Variants in TRIM71 observed in about 807,000 individuals in gnomAD.
TRIM71 encodes E3 ubiquitin-protein ligase TRIM71.
TRIM71 carries 9 observed loss-of-function variants against 61.2 expected under a neutral mutation model. The ratio of observed to expected loss-of-function variants is 0.15; its 90% CI spans 0.09 to 0.26. The LOEUF is 0.26. Among genes scored for constraint, TRIM71 ranks in the 10% least tolerant of loss-of-function variants. The pLI is 1.00. For synonymous variants in TRIM71, 645 were observed against 553.2 expected, an observed-to-expected ratio of 1.17 and a Z score of -2.33; for missense variants, 998 against 1,238.7, an observed-to-expected ratio of 0.81 and a Z score of 2.92.
At chr3:32,846,858 A>G (rs747886324) in intron 1 of TRIM71, among the ~76,000 whole-genome samples, 51 of 152,186 alleles carry the variant, frequency 3.4e-4, no homozygotes, top group Non-Finnish European at 6.3e-4. Context: ...GTTGCAAATG[A>G]CAGGATTTCC....
chr3:32,823,666 A>G (rs1045909872), intron 1 of TRIM71, among the ~76,000 whole-genome samples: 1 of 151,170 alleles, frequency 6.6e-6, no homozygotes, highest in East Asian at 2.1e-4. Flanking sequence ...TGTACTTGAA[A>G]TGGGGAAACC....
intron 1 of TRIM71, among the ~76,000 whole-genome samples, chr3:32,845,917 C>T (rs1474645968): frequency 6.6e-6 from 1 of 151,450 alleles, no homozygotes; most frequent in Non-Finnish European, 1.5e-5. Flanking sequence ...GACAGGGTTT[C>T]GCCATGTTGG....
At chr3:32,828,831 C>A (rs751878145) in intron 1 of TRIM71, among the ~76,000 whole-genome samples, 8 of 151,830 alleles carry the variant, frequency 5.3e-5, no homozygotes, top group Non-Finnish European at 1.0e-4. Context: ...TGTTTGAAAA[C>A]CACTAATTTT....
At chr3:32,848,133 G>C (rs551896385) in intron 1 of TRIM71, among the ~76,000 whole-genome samples, 1 of 152,176 alleles carries the variant, frequency 6.6e-6, no homozygotes, top group Non-Finnish European at 1.5e-5. Context: ...GCATGGCAAA[G>C]AGCCACTTAA....
chr3:32,875,063 C>G (rs1334872418), intron 2 of TRIM71, among the ~76,000 whole-genome samples: 1 of 152,182 alleles, frequency 6.6e-6, no homozygotes, highest in Non-Finnish European at 1.5e-5. Context: ...TCAGGTGATC[C>G]ACCTGCCTCG....
chr3:32,855,385 C>T (rs1241844309), intron 1 of TRIM71, among the ~76,000 whole-genome samples: 4 of 152,024 alleles, frequency 2.6e-5, no homozygotes, highest in Admixed American at 6.6e-5. Flanking sequence ...GAGGGCATGG[C>T]TTTCAGGCAG....
At chr3:32,823,764 C>G (rs1226136308) in intron 1 of TRIM71, among the ~76,000 whole-genome samples, 1 of 148,252 alleles carries the variant, frequency 6.7e-6, no homozygotes, top group Admixed American at 6.7e-5. Context: ...GCGAGACTAT[C>G]TAAAAAGATA....
At chr3:32,852,509 T>G (rs1453209216) in intron 1 of TRIM71, among the ~76,000 whole-genome samples, 1 of 152,214 alleles carries the variant, frequency 6.6e-6, no homozygotes, top group Admixed American at 6.5e-5. Flanking sequence ...AGAGGTCTTC[T>G]TGTGCTAGGC....
At position 32,887,481 on chromosome 3, in the gene TRIM71, C is replaced by CTTTTTT. The variant is rs10615630; in HGVS notation, c.1155+1429_1155+1434dup. On this transcript the variant is annotated intron_variant, in intron 3 of 3. Coordinates refer to ENST00000383763, the MANE Select transcript of TRIM71 (RefSeq NM_001039111.3). ...CCCTCTCTCTTTGACTAATTACTGA[C>CTTTTTT]TTTTTTTTTTTTTTTTTTTTTCTGT... Among the ~76,000 whole-genome samples, 20 of 110,006 alleles carry CTTTTTT rather than the reference C, an allele frequency of 1.8e-4. 2 individuals carry two copies. The highest frequency in any genetic ancestry group is 5.6e-4 in the East Asian group (2 of 3,596). 72.2% of individuals were successfully genotyped at this position (110,006 alleles called of 152,430 possible).
intron 1 of TRIM71, among the ~76,000 whole-genome samples, chr3:32,834,947 A>G (rs1447296541): frequency 1.3e-5 from 2 of 152,244 alleles, no homozygotes; most frequent in South Asian, 2.1e-4. Context: ...ATGACAGTTC[A>G]TTCTATCAGT....
At chr3:32,844,199 T>G (rs555884950) in intron 1 of TRIM71, among the ~76,000 whole-genome samples, 60 of 152,244 alleles carry the variant, frequency 3.9e-4, no homozygotes, top group South Asian at 1.2e-3. Flanking sequence ...GAGATTCTGA[T>G]TCTCTAAAAC....
At chr3:32,839,335 A>AT (rs1043672822) in intron 1 of TRIM71, among the ~76,000 whole-genome samples, 41 of 151,736 alleles carry the variant, frequency 2.7e-4, no homozygotes, top group Middle Eastern at 3.4e-3. Context: ...GGTTCAAGTG[A>AT]TTCTCTTGCC....
At chr3:32,883,595 C>T (rs1204380371) in intron 2 of TRIM71, among the ~76,000 whole-genome samples, 1 of 152,188 alleles carries the variant, frequency 6.6e-6, no homozygotes, top group African/African-American at 2.4e-5. Context: ...CTACTATAAC[C>T]TCATCTTAGC....
rs1697094500 is a variant in TRIM71 at position 32,897,667 on chromosome 3, CTG to C, written c.*5859_*5860del. 1 of 152,238 alleles carries C rather than the reference CTG, an allele frequency of 6.6e-6. No individual in the cohort carries two copies. Among genetic ancestry groups the C allele is most frequent in the Non-Finnish European group, 1.5e-5 (1 of 68,042 alleles). The allele number at this position is 152,238 out of a possible 1,614,324, so 9.4% of individuals were successfully genotyped here. The stretch of plus-strand genomic sequence containing the variant: ...AGCTAACAGGCTTCTGAATGTATCA[CTG>C]TGGTCCACAGAGAAGGCTGGAGGAG... On this transcript the variant is annotated 3_prime_UTR_variant, in exon 4 of 4. Coordinates refer to ENST00000383763, the MANE Select transcript of TRIM71 (RefSeq NM_001039111.3).
chr3:32,820,225 G>A (rs1696112533), intron 1 of TRIM71, among the ~76,000 whole-genome samples: 1 of 152,240 alleles, frequency 6.6e-6, no homozygotes, highest in Non-Finnish European at 1.5e-5. Context: ...GCACCGCAAA[G>A]GTGAGCCCAG....
intron 2 of TRIM71, among the ~76,000 whole-genome samples, chr3:32,877,622 C>G (rs567892413): frequency 3.9e-5 from 6 of 152,110 alleles, no homozygotes; most frequent in African/African-American, 1.4e-4. Context: ...CCTCCCAAGG[C>G]GCTGAGATTA....
rs907717416 is a variant in TRIM71 at position 32,871,865 on chromosome 3, C to A, written c.853-1953C>A. Among the ~76,000 whole-genome samples, 4 of 152,176 alleles carry A rather than the reference C, an allele frequency of 2.6e-5. No homozygotes were observed. The East Asian group carries it at 7.7e-4, about 29-fold the overall frequency. On this transcript the variant is annotated intron_variant, in intron 1 of 3. Transcript: ENST00000383763. ...CCCTTGTATAAAGTAGGATCTGGGC[C>A]GGGTGCGTTGGCTCACGCCTGTAAT...
chr3:32,864,055 G>C (rs1400285485), intron 1 of TRIM71, among the ~76,000 whole-genome samples: 1 of 151,878 alleles, frequency 6.6e-6, no homozygotes, highest in Non-Finnish European at 1.5e-5. Context: ...TGGAAGTTTT[G>C]TTTTTACTTT....
chr3:32,833,359 A>G (rs1370313802), intron 1 of TRIM71, among the ~76,000 whole-genome samples: 1 of 152,102 alleles, frequency 6.6e-6, no homozygotes, highest in Non-Finnish European at 1.5e-5. Context: ...GCTCTGGGGA[A>G]ACAGCAGAGA....
Sources: gnomAD v4.1 joint callset for allele counts (sites outside exome capture counted in the v4.1 genomes callset) on GRCh38, gnomAD v4.1.1 for gene constraint, MANE v1.5 for transcripts, NCBI Gene and HGNC (gene_info 2026-07-23, HGNC 2026-07-21) for gene names.